The following MEI4 variants were observed in gnomAD, a reference collection of about 807,000 sequenced individuals.
The protein encoded by MEI4 is meiosis-specific protein MEI4.
MEI4 carries 27 observed loss-of-function variants against 31.4 expected under a neutral mutation model. The ratio of observed to expected loss-of-function variants is 0.86; its 90% CI spans 0.63 to 1.19. MEI4 has a LOEUF of 1.19. MEI4 is among the 50% of genes most tolerant of loss of function. The pLI, the probability that MEI4 is intolerant of heterozygous loss-of-function variation, is 0.00. For missense variants in MEI4, 329 were observed against 398.9 expected (o/e 0.82, Z 1.49); for synonymous variants, 122 against 145.4 (o/e 0.84, Z 1.16).
chr6:77,774,904 G>C (rs76673949), intron 3 of MEI4, among the ~76,000 whole-genome samples: 5,042 of 152,110 alleles, frequency 0.033, 110 homozygotes, highest in Middle Eastern at 0.096. Context: ...TCTGAGGCCA[G>C]GATTCTTAAA....
chr6:77,787,844 TAAAG>T (rs1401057392), intron 3 of MEI4, among the ~76,000 whole-genome samples: 1 of 152,022 alleles, frequency 6.6e-6, no homozygotes, highest in Non-Finnish European at 1.5e-5. Flanking sequence ...AGAAGTCAAA[TAAAG>T]AAATAGAAAC....
At chr6:77,700,652 T>G (rs1766195717) in intron 2 of MEI4, among the ~76,000 whole-genome samples, 1 of 152,176 alleles carries the variant, frequency 6.6e-6, no homozygotes, top group African/African-American at 2.4e-5. Context: ...GTACCTCAGA[T>G]GGAAATGCAA....
intron 4 of MEI4, among the ~76,000 whole-genome samples, chr6:77,863,947 T>G (rs1770944180): frequency 1.3e-5 from 2 of 152,276 alleles, no homozygotes; most frequent in South Asian, 2.1e-4. Flanking sequence ...AAGAAAAGAA[T>G]TTTGAACCCA....
intron 3 of MEI4, among the ~76,000 whole-genome samples, chr6:77,795,878 AGAAGT>A (rs975429339): frequency 6.6e-5 from 10 of 152,300 alleles, no homozygotes; most frequent in Middle Eastern, 6.8e-3. Context: ...AAATTTGAAG[AGAAGT>A]GAACACTTCG....
chr6:77,803,719 G>C (rs990859951), intron 3 of MEI4, among the ~76,000 whole-genome samples: 1 of 152,178 alleles, frequency 6.6e-6, no homozygotes, highest in African/African-American at 2.4e-5. Context: ...AGGTCTGTTG[G>C]AGTTTGCTGG....
intron 2 of MEI4, among the ~76,000 whole-genome samples, chr6:77,694,750 T>A (rs1765971142): frequency 6.6e-6 from 1 of 152,064 alleles, no homozygotes; most frequent in African/African-American, 2.4e-5. Flanking sequence ...TATAGCAGCA[T>A]GATTTATAAT....
intron 2 of MEI4, among the ~76,000 whole-genome samples, chr6:77,697,104 G>T (rs1766068877): frequency 6.6e-6 from 1 of 152,120 alleles, no homozygotes; most frequent in Non-Finnish European, 1.5e-5. Context: ...TGTGTGATCG[G>T]TGGTGTTATT....
chr6:77,868,504 T>TATATATATATATATATATAG (rs1771110444), intron 4 of MEI4, among the ~76,000 whole-genome samples: 1 of 116,836 alleles, frequency 8.6e-6, no homozygotes. Context: ...AAATACTACA[T>TATATATATATATATATATAG]ATATATATAT....
At chr6:77,875,849 T>C (rs1771321441) in intron 4 of MEI4, among the ~76,000 whole-genome samples, 1 of 152,172 alleles carries the variant, frequency 6.6e-6, no homozygotes, top group Admixed American at 6.6e-5. Context: ...ACACAAGGAA[T>C]TTATCAAATG....
At chr6:77,854,231 A>AGATATAT (rs1770696521) in intron 4 of MEI4, among the ~76,000 whole-genome samples, 1 of 152,052 alleles carries the variant, frequency 6.6e-6, no homozygotes, top group Non-Finnish European at 1.5e-5. Context: ...AATAGATATT[A>AGATATAT]TTATTTATCC....
intron 3 of MEI4, among the ~76,000 whole-genome samples, chr6:77,762,530 A>G (rs1198744184): frequency 1.3e-5 from 2 of 152,216 alleles, no homozygotes; most frequent in East Asian, 3.8e-4. Flanking sequence ...CTTATTTACT[A>G]TATTTCATTG....
chr6:77,803,690 A>T (rs1038657413), intron 3 of MEI4, among the ~76,000 whole-genome samples: 1 of 152,094 alleles, frequency 6.6e-6, no homozygotes, highest in African/African-American at 2.4e-5. Flanking sequence ...TCCTTCTGTC[A>T]TTCAGGACCC....
chr6:77,700,907 C>T (rs1010596294), intron 2 of MEI4, among the ~76,000 whole-genome samples: 1 of 151,990 alleles, frequency 6.6e-6, no homozygotes, highest in Non-Finnish European at 1.5e-5. Flanking sequence ...TTTTATCTTA[C>T]TTAAATGCGC....
chr6:77,925,383 C>G lies in MEI4; in HGVS notation c.*2037C>G, dbSNP rs909413519. On this transcript the variant is annotated 3_prime_UTR_variant, in exon 5 of 5. Transcript: ENST00000684080. ...CCAAGTATATGATACTTTAATTATC[C>G]TGGGTTTCAGTCTATATCAGAGTGA... 3.3e-5 allele frequency: 5 copies of G among 151,474 alleles called. No individual in the cohort carries two copies. The South Asian group carries it at 1.0e-3, about 32-fold the overall frequency. 9.4% of individuals were successfully genotyped at this position (151,474 alleles called of 1,614,324 possible). A position where few individuals can be genotyped will look rare whatever the true frequency, so the allele number is the denominator to read the frequency against.
intron 2 of MEI4, among the ~76,000 whole-genome samples, chr6:77,751,226 C>G (rs897090489): frequency 6.6e-6 from 1 of 151,784 alleles, no homozygotes; most frequent in Non-Finnish European, 1.5e-5. Flanking sequence ...CAAGAGCAAA[C>G]AAATTCAAGA....
At chr6:77,876,585 C>T (rs1771346412) in intron 4 of MEI4, among the ~76,000 whole-genome samples, 2 of 152,152 alleles carry the variant, frequency 1.3e-5, no homozygotes, top group African/African-American at 4.8e-5. Flanking sequence ...AAGGCAACTA[C>T]CTAACCCATT....
intron 4 of MEI4, among the ~76,000 whole-genome samples, chr6:77,905,769 T>C (rs1581967460): frequency 1.3e-5 from 2 of 151,188 alleles, no homozygotes; most frequent in East Asian, 3.9e-4. Context: ...GTGCTGAGAT[T>C]ACAGGCGTGA....
intron 3 of MEI4, among the ~76,000 whole-genome samples, chr6:77,764,256 T>C (rs905075220): frequency 3.9e-5 from 6 of 152,210 alleles, no homozygotes; most frequent in Admixed American, 3.9e-4. Context: ...ATTGTTGGCA[T>C]ATAATTGTTC....
intron 3 of MEI4, among the ~76,000 whole-genome samples, chr6:77,780,104 T>A (rs1260285072): frequency 6.6e-6 from 1 of 152,098 alleles, no homozygotes; most frequent in Non-Finnish European, 1.5e-5. Context: ...TGGAGTCCGG[T>A]CTGAGGGGTG....
Sources: allele counts gnomAD v4.1 joint callset (sites outside exome capture counted in the v4.1 genomes callset), GRCh38; gene constraint gnomAD v4.1.1; transcripts MANE v1.5; gene names NCBI Gene and HGNC (gene_info 2026-07-23, HGNC 2026-07-21).